Variants in COBL observed in about 807,000 individuals in gnomAD.
COBL encodes cordon-bleu WH2 repeat protein.
In COBL, 51 loss-of-function variants were observed where a neutral mutation model predicts 98.8. That is an observed-to-expected ratio of 0.52 (90% confidence interval 0.41 to 0.65). COBL has a LOEUF of 0.65. COBL is among the 30% of genes least tolerant of loss of function. The pLI is 0.00. For synonymous variants in COBL, 634 were observed against 651.7 expected (o/e 0.97, Z 0.41); for missense variants, 1,617 against 1,617.5 (o/e 1.00, Z 0.01).
At chr7:51,191,149 T>C (rs1584115451) in intron 3 of COBL, 71 bp from the exon 4 acceptor site, 3 of 1,377,528 alleles carry the variant, frequency 2.2e-6, no homozygotes, top group Middle Eastern at 1.8e-4. Context: ...TTGTGTCAAT[T>C]TGACAATTGG....
intron 6 of COBL, among the ~76,000 whole-genome samples, chr7:51,090,379 A>G (rs1360164586): frequency 1.3e-5 from 2 of 152,242 alleles, no homozygotes; most frequent in African/African-American, 4.8e-5. Context: ...ATTTCACCTC[A>G]ACTGTGACAG....
At chr7:51,273,976 G>T (rs545106471) in intron 1 of COBL, among the ~76,000 whole-genome samples, 1 of 152,034 alleles carries the variant, frequency 6.6e-6, no homozygotes, top group African/African-American at 2.4e-5. Context: ...CATCAAATGC[G>T]ATCTTCTTCA....
chr7:51,066,597 T>C lies in COBL; in HGVS notation c.1096+18569A>G, dbSNP rs1393093117. On this transcript the variant is annotated intron_variant, in intron 7 of 12. Coordinates refer to ENST00000265136, the MANE Select transcript of COBL (RefSeq NM_015198.5). ...AAAATGAGGATGATAACAACAGCAG[T>C]GACCTCATAGGGCTGTGGTATAGAT... Among the ~76,000 whole-genome samples, 3 of 152,324 alleles carry C rather than the reference T, an allele frequency of 2.0e-5. No homozygotes were observed. In the East Asian group the frequency reaches 5.8e-4, roughly 29 times the overall value.
At position 51,229,131 on chromosome 7, in the gene COBL, G is replaced by A. The variant is rs888597204; in HGVS notation, c.42-9187C>T. Among the ~76,000 whole-genome samples, 23 of 152,282 alleles carry A rather than the reference G, an allele frequency of 1.5e-4. No individual in the cohort carries two copies. In the Middle Eastern group the frequency reaches 0.01, roughly 68 times the overall value. ...AGCCAACGCTGTTCCAGGAGCTAAC[G>A]GACAGAAACCGCTCCTTGGGCTTCC... On this transcript the variant is annotated intron_variant, in intron 1 of 12. Transcript: ENST00000265136.
intron 5 of COBL, among the ~76,000 whole-genome samples, chr7:51,143,642 CAG>C (rs1201527475): frequency 6.6e-6 from 1 of 152,070 alleles, no homozygotes; most frequent in East Asian, 1.9e-4. Flanking sequence ...CTACAGGACA[CAG>C]AAACAAAACA....
At chr7:51,019,297 G>A (rs1050139369) in intron 12 of COBL, among the ~76,000 whole-genome samples, 3 of 151,952 alleles carry the variant, frequency 2.0e-5, no homozygotes, top group African/African-American at 7.3e-5. Flanking sequence ...GAGGCACCAG[G>A]GAGCGTGTCT....
intron 1 of COBL, among the ~76,000 whole-genome samples, chr7:51,252,549 G>A (rs1049801678): frequency 6.6e-6 from 1 of 152,154 alleles, no homozygotes; most frequent in African/African-American, 2.4e-5. Context: ...GTTCTCTGAG[G>A]AGACTTCACT....
intron 1 of COBL, among the ~76,000 whole-genome samples, chr7:51,255,214 G>A (rs543760505): frequency 6.6e-6 from 1 of 152,186 alleles, no homozygotes; most frequent in African/African-American, 2.4e-5. Context: ...TAATCCTAGC[G>A]ACCTCCTTCA....
intron 5 of COBL, among the ~76,000 whole-genome samples, chr7:51,157,636 AT>A (rs987651580): frequency 8.6e-5 from 13 of 151,714 alleles, no homozygotes; most frequent in South Asian, 2.1e-4. Context: ...TTCTTTCCTT[AT>A]TTTTTCCCCC....
rs1482016951 is a variant in COBL at position 51,029,192 on chromosome 7, G to A, written c.1904C>T (p.Ala635Val). 6.2e-7 allele frequency: 1 copy of A among 1,614,190 alleles called. No individual in the cohort carries two copies. The highest frequency in any genetic ancestry group is 2.2e-5 in the East Asian group (1 of 44,886). The change falls in exon 10 of 13, where the codon GCT becomes GTT. Residue 635 changes from alanine (A) to valine (V), a missense_variant. Around this residue, in one of 3 missense-constraint regions of COBL, gnomAD observed 1,304 missense variants for 1,282.0 expected, o/e 1.02. Coordinates refer to ENST00000265136, the MANE Select transcript of COBL (RefSeq NM_015198.5). ...TAGGTTGTCTGTGTGAAGATTCGAA[G>A]CAAAAGAAGTCACCCTGGGCGCCGT... Reference protein sequence around the residue: ...METAPRVTSFASNLHTDNLNA... With the variant: ...METAPRVTSFVSNLHTDNLNA...
At chr7:51,025,975 A>G (rs189711739) in intron 11 of COBL, among the ~76,000 whole-genome samples, 7 of 152,328 alleles carry the variant, frequency 4.6e-5, no homozygotes, top group African/African-American at 1.4e-4. Context: ...TTCTTGGCAT[A>G]TAAGAATAGA....
chr7:51,175,330 A>G (rs1044449416), intron 5 of COBL, among the ~76,000 whole-genome samples: 1 of 152,250 alleles, frequency 6.6e-6, no homozygotes, highest in Non-Finnish European at 1.5e-5. Context: ...CAAAAGGTGC[A>G]TGAACGTGAG....
intron 2 of COBL, among the ~76,000 whole-genome samples, chr7:51,208,955 G>A (rs1792109124): frequency 7.0e-6 from 1 of 143,208 alleles, no homozygotes; most frequent in Admixed American, 7.4e-5. Context: ...AGAGACCTTT[G>A]TTCACTTGTT....
intron 2 of COBL, among the ~76,000 whole-genome samples, chr7:51,212,021 C>A (rs1792492726): frequency 6.6e-6 from 1 of 152,114 alleles, no homozygotes; most frequent in South Asian, 2.1e-4. Flanking sequence ...TGAGAGCAGG[C>A]CTTTCAGGTT....
intron 6 of COBL, among the ~76,000 whole-genome samples, chr7:51,135,921 A>G (rs1322074702): frequency 1.3e-5 from 2 of 152,180 alleles, no homozygotes; most frequent in African/African-American, 2.4e-5. Context: ...GGGGAGCAGG[A>G]CTGGGCTGCT....
At chr7:51,081,092 C>CGGG (rs1562883774) in intron 7 of COBL, among the ~76,000 whole-genome samples, 3 of 151,936 alleles carry the variant, frequency 2.0e-5, no homozygotes, top group Non-Finnish European at 4.4e-5. Context: ...GAGCGCGGGG[C>CGGG]AGGAGCGGGG....
chr7:51,159,788 G>A (rs1418430173), intron 5 of COBL, among the ~76,000 whole-genome samples: 2 of 151,632 alleles, frequency 1.3e-5, no homozygotes, highest in Non-Finnish European at 2.9e-5. Flanking sequence ...TGTAAGAATC[G>A]AACACTCTGG....
chr7:51,097,071 T>C (rs1345844802), intron 6 of COBL, among the ~76,000 whole-genome samples: 5 of 152,104 alleles, frequency 3.3e-5, no homozygotes, highest in African/African-American at 1.2e-4. Context: ...TGATGAAACA[T>C]TGGTATAAAA....
At chr7:51,245,638 C>T (rs533715965) in intron 1 of COBL, among the ~76,000 whole-genome samples, 1 of 152,276 alleles carries the variant, frequency 6.6e-6, no homozygotes, top group Admixed American at 6.5e-5. Context: ...TGTATCAGGA[C>T]CTACCATTTA....
Sources: gnomAD v4.1 joint callset for allele counts (sites outside exome capture counted in the v4.1 genomes callset) on GRCh38, gnomAD v4.1.1 for gene constraint, gnomAD v4.1.1 regional missense constraint, MANE v1.5 for transcripts, NCBI Gene and HGNC (gene_info 2026-07-23, HGNC 2026-07-21) for gene names.